Variants in ACOXL observed in about 807,000 individuals in gnomAD.
ACOXL encodes the protein acyl-coenzyme A oxidase-like protein.
In ACOXL, 70 loss-of-function variants were observed where a neutral mutation model predicts 71.9. The observed-to-expected ratio is 0.97, with a 90% CI of 0.80 to 1.19. The LOEUF (loss-of-function observed/expected upper bound fraction) is 1.19. Ranked by LOEUF, ACOXL falls within the 50% of genes most tolerant of loss-of-function variation. ACOXL has a pLI of 0.00. For synonymous variants in ACOXL, 253 were observed against 281.6 expected, an observed-to-expected ratio of 0.90 and a Z score of 1.02; for missense variants, 703 against 736.3, an observed-to-expected ratio of 0.95 and a Z score of 0.52.
At chr2:110,965,049 C>T (rs998109093) in intron 12 of ACOXL, among the ~76,000 whole-genome samples, 1 of 152,150 alleles carries the variant, frequency 6.6e-6, no homozygotes, top group Non-Finnish European at 1.5e-5. Flanking sequence ...ACTTTTTTAG[C>T]TCCCATATAT....
chr2:110,766,698 T>C (rs1298063336), intron 1 of ACOXL, among the ~76,000 whole-genome samples: 1 of 152,192 alleles, frequency 6.6e-6, no homozygotes, highest in Non-Finnish European at 1.5e-5. Flanking sequence ...CAGCTTCCCA[T>C]TGGGTCCTGC....
intron 1 of ACOXL, among the ~76,000 whole-genome samples, chr2:110,740,640 T>G (rs1202350197): frequency 1.3e-5 from 2 of 152,222 alleles, no homozygotes; most frequent in Non-Finnish European, 2.9e-5. Context: ...ATTTGTAAAC[T>G]TGAATGTTAA....
chr2:110,738,208 G>A (rs991326827), intron 1 of ACOXL, among the ~76,000 whole-genome samples: 1 of 152,222 alleles, frequency 6.6e-6, no homozygotes, highest in African/African-American at 2.4e-5. Flanking sequence ...TCAGCAGACA[G>A]CTATTTCTGA....
chr2:110,852,444 G>C (rs1287437186), intron 10 of ACOXL, among the ~76,000 whole-genome samples: 1 of 152,194 alleles, frequency 6.6e-6, no homozygotes, highest in African/African-American at 2.4e-5. Context: ...TCTCAAGTTT[G>C]AATGAACGGC....
chr2:110,849,496 G>A lies in ACOXL; in HGVS notation c.788+8091G>A, dbSNP rs539834887. The stretch of plus-strand genomic sequence containing the variant: ...ACCTAGGCTGCGTGCCGTGGTTCAC[G>A]CCTGTAATCCCAGCACTTTGGGAGG... On this transcript the variant is annotated intron_variant, in intron 10 of 17. Coordinates refer to ENST00000439055, the MANE Select transcript of ACOXL (RefSeq NM_001142807.4). Among the ~76,000 whole-genome samples the A allele has an allele frequency of 5.8e-4, 88 of 152,324 alleles. 3 individuals are homozygous for A. The South Asian group carries it at 0.018, about 31-fold the overall frequency.
intron 2 of ACOXL, among the ~76,000 whole-genome samples, chr2:110,769,195 G>C (rs978689539): frequency 2.3e-4 from 35 of 149,176 alleles, no homozygotes; most frequent in Non-Finnish European, 4.0e-4. Flanking sequence ...TAAATTTAGT[G>C]GTATTATTTT....
At chr2:110,982,727 G>C (rs2062765769) in intron 12 of ACOXL, among the ~76,000 whole-genome samples, 1 of 152,176 alleles carries the variant, frequency 6.6e-6, no homozygotes, top group African/African-American at 2.4e-5. Context: ...TATTATTTTA[G>C]TATAAGTATG....
At chr2:110,770,078 C>T (rs61392982) in intron 2 of ACOXL, among the ~76,000 whole-genome samples, 2,133 of 152,134 alleles carry the variant, frequency 0.014, 58 homozygotes, top group African/African-American at 0.046. Context: ...AACCCAACAC[C>T]ACCCGCCCTC....
chr2:111,086,654 A>C (rs1467556266), intron 16 of ACOXL, among the ~76,000 whole-genome samples: 1 of 152,182 alleles, frequency 6.6e-6, no homozygotes, highest in Non-Finnish European at 1.5e-5. Flanking sequence ...GAAGGAACAT[A>C]CTTGAACATA....
chr2:110,967,449 C>T (rs1367177442), intron 12 of ACOXL, among the ~76,000 whole-genome samples: 1 of 152,088 alleles, frequency 6.6e-6, no homozygotes, highest in African/African-American at 2.4e-5. Flanking sequence ...AAGTGTGTTG[C>T]TCAATATACA....
intron 12 of ACOXL, chr2:110,968,778 CAAA>C (rs35801632): frequency 6.2e-3 from 1,353 of 216,794 alleles, no homozygotes; most frequent in Middle Eastern, 0.014. Context: ...TTATGGACAG[CAAA>C]AAAAAAAAAA....
chr2:110,878,990 G>A (rs1285889224), intron 10 of ACOXL, among the ~76,000 whole-genome samples: 1 of 151,742 alleles, frequency 6.6e-6, no homozygotes, highest in African/African-American at 2.4e-5. Flanking sequence ...CCGGGAGGCG[G>A]AGGTTGCGGT....
At chr2:110,742,660 C>G (rs1677689581) in intron 1 of ACOXL, among the ~76,000 whole-genome samples, 1 of 152,166 alleles carries the variant, frequency 6.6e-6, no homozygotes, top group African/African-American at 2.4e-5. Flanking sequence ...GTTTTCTTTT[C>G]TATCACACCA....
intron 15 of ACOXL, among the ~76,000 whole-genome samples, chr2:111,035,716 CCT>C (rs2065479053): frequency 6.6e-6 from 1 of 152,166 alleles, no homozygotes; most frequent in Non-Finnish European, 1.5e-5. Context: ...ATTTCAGACT[CCT>C]CTCAAGGATG....
intron 15 of ACOXL, among the ~76,000 whole-genome samples, chr2:111,042,728 A>G (rs1032243705): frequency 4.6e-5 from 7 of 152,190 alleles, no homozygotes; most frequent in African/African-American, 1.7e-4. Context: ...GTAGCTGGCC[A>G]AGGAAGGGAA....
chr2:110,982,121 C>T (rs183705754), intron 12 of ACOXL, among the ~76,000 whole-genome samples: 39 of 152,054 alleles, frequency 2.6e-4, no homozygotes, highest in Non-Finnish European at 1.3e-4. Flanking sequence ...AGTTCAAATC[C>T]GTGGTTTTTT....
At chr2:110,790,661 C>G (rs1684533203) in intron 3 of ACOXL, among the ~76,000 whole-genome samples, 1 of 152,202 alleles carries the variant, frequency 6.6e-6, no homozygotes, top group Non-Finnish European at 1.5e-5. Context: ...GTGTCCTGTT[C>G]CCTGAGGTCT....
At chr2:111,110,215 G>C (rs1276673180) in intron 17 of ACOXL, among the ~76,000 whole-genome samples, 2 of 152,074 alleles carry the variant, frequency 1.3e-5, no homozygotes, top group East Asian at 1.9e-4. Context: ...GTTAGGGTCA[G>C]GGTCTAGTCA....
chr2:110,892,499 C>A (rs1232200988), intron 10 of ACOXL, among the ~76,000 whole-genome samples: 1 of 152,096 alleles, frequency 6.6e-6, no homozygotes, highest in Non-Finnish European at 1.5e-5. Context: ...TGGCGCTCAA[C>A]CACTGGGTCA....
Sources: allele counts gnomAD v4.1 joint callset (sites outside exome capture counted in the v4.1 genomes callset), GRCh38; gene constraint gnomAD v4.1.1; transcripts MANE v1.5; gene names NCBI Gene and HGNC (gene_info 2026-07-23, HGNC 2026-07-21).